The following PLS3 variants were observed in gnomAD, a reference collection of about 807,000 sequenced individuals.
PLS3 encodes plastin 3, also known as plastin-3.
A neutral mutation model predicts 46.5 loss-of-function variants in PLS3; 11 were observed. The observed-to-expected ratio is 0.24, with a 90% CI of 0.15 to 0.39. The LOEUF (loss-of-function observed/expected upper bound fraction) is 0.39. PLS3 is among the 10% of genes least tolerant of loss of function. The pLI is 1.00. For synonymous variants in PLS3, 167 were observed against 162.2 expected (o/e 1.03, Z -0.22); for missense variants, 308 against 461.8 (o/e 0.67, Z 3.05).
chrX:115,602,712 C>T (rs1380514167), intron 1 of PLS3, among the ~76,000 whole-genome samples: 1 of 111,181 alleles, frequency 9.0e-6, no homozygotes, highest in Middle Eastern at 4.2e-3. Flanking sequence ...CTCTTTGTTG[C>T]TTTCTTGTTC....
At chrX:115,594,257 A>G (rs1279594606) in intron 1 of PLS3, among the ~76,000 whole-genome samples, 1 of 111,089 alleles carries the variant, frequency 9.0e-6, no homozygotes, top group African/African-American at 3.3e-5. Context: ...ATACATTAGG[A>G]TTTTCCATCA....
intron 1 of PLS3, among the ~76,000 whole-genome samples, chrX:115,593,053 G>A (rs139696068): frequency 0.034 from 3,840 of 111,841 alleles, 165 homozygotes; most frequent in African/African-American, 0.12. Flanking sequence ...GTATATACTT[G>A]AAATAAATGC....
At chrX:115,577,801 G>A (rs2074257385) in intron 1 of PLS3, among the ~76,000 whole-genome samples, 2 of 110,947 alleles carry the variant, frequency 1.8e-5, no homozygotes, top group Admixed American at 9.7e-5. Flanking sequence ...TTCTAAACTG[G>A]ATTTTATCAT....
At chrX:115,642,514 TCGCTCTCCAGCA>T (rs1386021537) in intron 9 of PLS3, among the ~76,000 whole-genome samples, 1 of 111,296 alleles carries the variant, frequency 9.0e-6, no homozygotes, top group Non-Finnish European at 1.9e-5. Flanking sequence ...TCTCTCTAGC[TCGCTCTCCAGCA>T]GTGCCCTCCT....
chrX:115,594,098 C>T (rs186083826), intron 1 of PLS3, among the ~76,000 whole-genome samples: 4 of 111,228 alleles, frequency 3.6e-5, no homozygotes, highest in African/African-American at 9.8e-5. Context: ...GAACATGTCA[C>T]GATTAGATTG....
chrX:115,616,627 G>A (rs1383100372), intron 2 of PLS3, among the ~76,000 whole-genome samples: 1 of 111,687 alleles, frequency 9.0e-6, no homozygotes, highest in African/African-American at 3.2e-5. Flanking sequence ...TTAGATCTTT[G>A]ATATTGTTTA....
chrX:115,614,623 A>AAATC, intron 2 of PLS3: 8 of 586,187 alleles, frequency 1.4e-5, no homozygotes, highest in Non-Finnish European at 1.6e-5. Context: ...ATGCCTAATG[A>AAATC]AAGCTTGATT....
chrX:115,563,598 G>C (rs2074153775), intron 1 of PLS3, among the ~76,000 whole-genome samples: 2 of 111,839 alleles, frequency 1.8e-5, no homozygotes, highest in African/African-American at 6.5e-5. Flanking sequence ...ATTCAGTCTT[G>C]AAAACAACTA....
chrX:115,589,007 T>A (rs7065560), intron 1 of PLS3, among the ~76,000 whole-genome samples: 4,432 of 111,867 alleles, frequency 0.04, 206 homozygotes, highest in African/African-American at 0.14. Flanking sequence ...TTATATTTTC[T>A]TCTGCGACAG....
At chrX:115,565,581 G>A (rs1237217366) in intron 1 of PLS3, among the ~76,000 whole-genome samples, 1 of 111,717 alleles carries the variant, frequency 9.0e-6, no homozygotes, top group African/African-American at 3.2e-5. Context: ...TAAAAAGAGA[G>A]GATTGCTCAA....
chrX:115,588,203 A>G (rs1454240125), intron 1 of PLS3, among the ~76,000 whole-genome samples: 1 of 112,325 alleles, frequency 8.9e-6, no homozygotes, highest in Non-Finnish European at 1.9e-5. Flanking sequence ...ATTGCAACCA[A>G]CCTTTGAAAA....
chrX:115,579,849 A>G (rs782234977), intron 1 of PLS3, among the ~76,000 whole-genome samples: 16 of 110,133 alleles, frequency 1.5e-4, no homozygotes, highest in Non-Finnish European at 3.0e-4. Flanking sequence ...TCTCCTGCCT[A>G]AGCCTCCCAA....
intron 1 of PLS3, among the ~76,000 whole-genome samples, chrX:115,607,615 C>A (rs1215560943): frequency 9.1e-6 from 1 of 109,619 alleles, no homozygotes; most frequent in East Asian, 2.9e-4. Flanking sequence ...TCTCCTGCCT[C>A]ACTCAACCTC....
intron 1 of PLS3, among the ~76,000 whole-genome samples, chrX:115,590,436 G>A (rs1424838214): frequency 1.8e-5 from 2 of 110,890 alleles, no homozygotes; most frequent in African/African-American, 6.6e-5. Context: ...CACCGCCCCC[G>A]TCACGCACAC....
At chrX:115,609,022 C>T (rs782349872) in intron 1 of PLS3, among the ~76,000 whole-genome samples, 2 of 109,573 alleles carry the variant, frequency 1.8e-5, no homozygotes, top group South Asian at 8.1e-4. Flanking sequence ...ATCCCTTGAT[C>T]CCAGGAGTTA....
At chrX:115,587,564 T>C (rs1338604228) in intron 1 of PLS3, among the ~76,000 whole-genome samples, 1 of 110,901 alleles carries the variant, frequency 9.0e-6, no homozygotes, top group Admixed American at 9.6e-5. Context: ...TGAAACCCCG[T>C]CTCCACTAAA....
At chrX:115,566,877 C>T (rs971565639) in intron 1 of PLS3, among the ~76,000 whole-genome samples, 5 of 107,422 alleles carry the variant, frequency 4.7e-5, no homozygotes, top group Non-Finnish European at 9.6e-5. Context: ...TGGGGTTTCA[C>T]CATGTTGGTC....
At chrX:115,640,554 A>G (rs1284834920) in intron 9 of PLS3, 51 bp downstream of exon 9, 1 of 650,521 alleles carries the variant, frequency 1.5e-6, no homozygotes, top group African/African-American at 2.1e-5. Flanking sequence ...ATTATTGTCA[A>G]TTTCTTATAA....
intron 1 of PLS3, among the ~76,000 whole-genome samples, chrX:115,600,833 G>T (rs1556634485): frequency 9.0e-6 from 1 of 111,342 alleles, no homozygotes; most frequent in African/African-American, 3.3e-5. Flanking sequence ...CGTGCTTTGG[G>T]AGAGGATGAG....
Sources: allele counts gnomAD v4.1 joint callset (sites outside exome capture counted in the v4.1 genomes callset), GRCh38; gene constraint gnomAD v4.1.1; transcripts MANE v1.5; gene names NCBI Gene and HGNC (gene_info 2026-07-23, HGNC 2026-07-21).